Variants in EXOC6B observed in about 807,000 individuals in gnomAD.
EXOC6B encodes the protein exocyst complex component 6B, also known as SEC15 homolog B.
In EXOC6B, 54 loss-of-function variants were observed where a neutral mutation model predicts 113.5. The observed-to-expected ratio is 0.48, with a 90% CI of 0.38 to 0.60. EXOC6B has a LOEUF of 0.60. Ranked by LOEUF, EXOC6B falls within the 20% of genes least tolerant of loss-of-function variation. The probability of loss-of-function intolerance (pLI) is 0.00; values close to 1 mark genes in which losing one functional copy is unlikely to be tolerated. For missense variants in EXOC6B, 797 were observed against 977.5 expected, an observed-to-expected ratio of 0.82 and a Z score of 2.46; for synonymous variants, 357 against 339.0, an observed-to-expected ratio of 1.05 and a Z score of -0.58.
At chr2:72,698,711 T>C (rs1255734783) in intron 6 of EXOC6B, among the ~76,000 whole-genome samples, 1 of 152,180 alleles carries the variant, frequency 6.6e-6, no homozygotes, top group Non-Finnish European at 1.5e-5. Context: ...CAAAATGAAA[T>C]ATAGGTCAAT....
intron 20 of EXOC6B, among the ~76,000 whole-genome samples, chr2:72,283,116 GAC>G (rs1254990129): frequency 6.6e-6 from 1 of 152,186 alleles, no homozygotes; most frequent in East Asian, 1.9e-4. Flanking sequence ...TCTTTTAAAG[GAC>G]ACATAAGACA....
At chr2:72,367,670 G>A (rs772154131) in intron 19 of EXOC6B, among the ~76,000 whole-genome samples, 1 of 152,100 alleles carries the variant, frequency 6.6e-6, no homozygotes, top group South Asian at 2.1e-4. Flanking sequence ...TATTGCTGAC[G>A]CCACCCCTCC....
Position 72,413,818 on chromosome 2 carries a change from T to G in EXOC6B, c.1981-33948A>C, listed in dbSNP as rs35257396. On this transcript the variant is annotated intron_variant, in intron 18 of 21. Coordinates refer to ENST00000272427, the MANE Select transcript of EXOC6B (RefSeq NM_015189.3). Reference sequence around the variant, plus strand: ...TAGCTGGGATTACAGACTGTATGTATCACCACACCTGGTGAGATTTTGCAT... The same window carrying G: ...TAGCTGGGATTACAGACTGTATGTAGCACCACACCTGGTGAGATTTTGCAT... Among the ~76,000 whole-genome samples, 684 of 152,318 alleles carry G rather than the reference T, an allele frequency of 4.5e-3. 3 individuals are homozygous for G. Among genetic ancestry groups the G allele is most frequent in the Middle Eastern group, 0.024 (7 of 294 alleles).
At chr2:72,304,141 T>C (rs1021020662) in intron 20 of EXOC6B, among the ~76,000 whole-genome samples, 4 of 152,246 alleles carry the variant, frequency 2.6e-5, no homozygotes, top group Non-Finnish European at 5.9e-5. Context: ...TTAGTACATA[T>C]GACTGCCTCA....
At chr2:72,786,780 A>C (rs1389936729) in intron 1 of EXOC6B, among the ~76,000 whole-genome samples, 1 of 152,212 alleles carries the variant, frequency 6.6e-6, no homozygotes, top group Non-Finnish European at 1.5e-5. Context: ...ACTCAGTGCT[A>C]AGCACAGCAT....
chr2:72,266,110 T>A (rs1187189603), intron 20 of EXOC6B, among the ~76,000 whole-genome samples: 4 of 152,200 alleles, frequency 2.6e-5, no homozygotes, highest in African/African-American at 9.7e-5. Flanking sequence ...TGTTTGTTTT[T>A]TTCTTGTAAA....
intron 18 of EXOC6B, among the ~76,000 whole-genome samples, chr2:72,427,772 T>C (rs1349941005): frequency 6.6e-6 from 1 of 152,108 alleles, no homozygotes; most frequent in Non-Finnish European, 1.5e-5. Context: ...AGGGAGGCAC[T>C]GAAGGCTGGG....
chr2:72,734,062 G>A (rs1267640917), intron 2 of EXOC6B, among the ~76,000 whole-genome samples: 1 of 152,110 alleles, frequency 6.6e-6, no homozygotes, highest in African/African-American at 2.4e-5. Flanking sequence ...CACTGTAAAT[G>A]CCCAAGAAAG....
chr2:72,789,966 GA>G (rs771706064), intron 1 of EXOC6B, among the ~76,000 whole-genome samples: 5 of 152,106 alleles, frequency 3.3e-5, no homozygotes, highest in Admixed American at 6.6e-5. Context: ...AAACTGCTCT[GA>G]TTTTTTTGCC....
intron 17 of EXOC6B, among the ~76,000 whole-genome samples, chr2:72,467,390 T>C (rs1281165499): frequency 2.6e-5 from 4 of 152,186 alleles, no homozygotes; most frequent in African/African-American, 4.8e-5. Context: ...TCTATTTTTA[T>C]TTTTTGGGGG....
chr2:72,535,767 G>A (rs375491024), intron 8 of EXOC6B, among the ~76,000 whole-genome samples: 19 of 152,028 alleles, frequency 1.2e-4, no homozygotes, highest in African/African-American at 4.3e-4. Context: ...CTACTAGGGA[G>A]GCTGAGGCAG....
chr2:72,290,607 C>A (rs1685719428), intron 20 of EXOC6B, among the ~76,000 whole-genome samples: 1 of 151,840 alleles, frequency 6.6e-6, no homozygotes, highest in Non-Finnish European at 1.5e-5. Context: ...TAACATTATT[C>A]ATATTGAGAC....
chr2:72,558,786 GATATAT>G (rs989475528), intron 8 of EXOC6B, among the ~76,000 whole-genome samples: 8 of 151,384 alleles, frequency 5.3e-5, no homozygotes, highest in Non-Finnish European at 1.2e-4. Flanking sequence ...AAAAAAAAAA[GATATAT>G]ATATACACAA....
intron 5 of EXOC6B, among the ~76,000 whole-genome samples, chr2:72,724,874 A>G (rs1422871877): frequency 6.6e-6 from 1 of 152,174 alleles, no homozygotes; most frequent in African/African-American, 2.4e-5. Context: ...TCTCAAATAA[A>G]GCACAGAGAG....
chr2:72,642,540 C>T lies in EXOC6B; in HGVS notation c.670-66872G>A, dbSNP rs1032725021. Among the ~76,000 whole-genome samples, 111 of 148,404 alleles carry T rather than the reference C, an allele frequency of 7.5e-4. 1 individual carries two copies. The highest frequency in any genetic ancestry group is 2.7e-3 in the African/African-American group (107 of 40,220). On this transcript the variant is annotated intron_variant, in intron 6 of 21. Transcript: ENST00000272427. Reference sequence around the variant, plus strand: ...AGGATTCCCTATTTAATAAATGGTGCTGGGAAAACTGGCTAGCCATATGTA... The same window carrying T: ...AGGATTCCCTATTTAATAAATGGTGTTGGGAAAACTGGCTAGCCATATGTA...
chr2:72,540,275 T>C (rs970411463), intron 8 of EXOC6B, among the ~76,000 whole-genome samples: 1 of 152,078 alleles, frequency 6.6e-6, no homozygotes, highest in South Asian at 2.1e-4. Flanking sequence ...TGTGTCTTTA[T>C]AGCAGCATGA....
intron 8 of EXOC6B, among the ~76,000 whole-genome samples, chr2:72,527,320 C>G (rs1465171701): frequency 1.3e-5 from 2 of 151,872 alleles, no homozygotes. Flanking sequence ...TTTTGATTAG[C>G]TTATTTCACT....
intron 20 of EXOC6B, among the ~76,000 whole-genome samples, chr2:72,290,304 C>T (rs1041475639): frequency 6.6e-6 from 1 of 152,158 alleles, no homozygotes; most frequent in Non-Finnish European, 1.5e-5. Context: ...ACTCTTGTTT[C>T]GGTTCCTCCA....
chr2:72,710,884 C>T (rs1039433182), intron 6 of EXOC6B, among the ~76,000 whole-genome samples: 1 of 152,100 alleles, frequency 6.6e-6, no homozygotes, highest in African/African-American at 2.4e-5. Context: ...CTTTTATAGG[C>T]AATTAGTTCA....
Sources: gnomAD v4.1 joint callset for allele counts (sites outside exome capture counted in the v4.1 genomes callset) on GRCh38, gnomAD v4.1.1 for gene constraint, MANE v1.5 for transcripts, NCBI Gene and HGNC (gene_info 2026-07-23, HGNC 2026-07-21) for gene names.